The following CC2D1A variants were observed in gnomAD, a reference collection of about 807,000 sequenced individuals.
CC2D1A encodes coiled-coil and C2 domain-containing protein 1A.
CC2D1A carries 68 observed loss-of-function variants against 123.8 expected under a neutral mutation model. That is an observed-to-expected ratio of 0.55 (90% CI 0.45 to 0.67). The LOEUF is 0.67. Ranked by LOEUF, CC2D1A falls within the 30% of genes least tolerant of loss-of-function variation. The pLI is 0.00. For missense variants in CC2D1A, 1,185 were observed against 1,290.3 expected (o/e 0.92, Z 1.25); for synonymous variants, 477 against 528.0 (o/e 0.90, Z 1.32).
At chr19:13,913,693 G>C in intron 6 of CC2D1A, 55 bp downstream of exon 6, 1 of 1,366,558 alleles carries the variant, frequency 7.3e-7, no homozygotes. Context: ...CATCTGGCAG[G>C]ATGCTGCTCT....
At chr19:13,920,154 G>T in intron 12 of CC2D1A, 1 of 542,442 alleles carries the variant, frequency 1.8e-6, no homozygotes, top group African/African-American at 1.9e-5. Flanking sequence ...GGGAGACTGA[G>T]GTGGGAGGAT....
chr19:13,913,369 G>A (rs1462897164), intron 5 of CC2D1A, 35 bp from the exon 6 acceptor site: 5 of 1,609,082 alleles, frequency 3.1e-6, no homozygotes, highest in Admixed American at 1.7e-5. Flanking sequence ...CAAGCTCTTG[G>A]CTTCTCCCAA....
At chr19:13,910,282 C>T (rs1379491067) in intron 2 of CC2D1A, among the ~76,000 whole-genome samples, 1 of 151,292 alleles carries the variant, frequency 6.6e-6, no homozygotes, top group Non-Finnish European at 1.5e-5. Flanking sequence ...GTGGCGGGCG[C>T]CTGTAGTCCC....
chr19:13,925,933 A>ATAT lies in CC2D1A; in HGVS notation c.1941-584_1941-583insTAT, dbSNP rs1555735762. On this transcript the variant is annotated intron_variant, in intron 17 of 28. Transcript: ENST00000318003. ...AGACTCTGTCTAAAAAAAAAAAAAA[A>ATAT]ATATATATATATATATATATATATA... Among the ~76,000 whole-genome samples, 447 of 90,972 alleles carry ATAT rather than the reference A, an allele frequency of 4.9e-3. 15 individuals are homozygous for ATAT. The highest frequency in any genetic ancestry group is 0.019 in the African/African-American group (275 of 14,600). The allele number at this position is 90,972 out of a possible 152,430, so 59.7% of individuals were successfully genotyped here.
At chr19:13,929,715 G>C (rs565864709) in intron 26 of CC2D1A, 55 bp downstream of exon 26, 39 of 1,214,412 alleles carry the variant, frequency 3.2e-5, no homozygotes, top group South Asian at 1.6e-4. Context: ...ATAGGCATGG[G>C]GGGGGAGGTG....
At chr19:13,925,910 ACT>A (rs1201930625) in intron 17 of CC2D1A, among the ~76,000 whole-genome samples, 1 of 101,074 alleles carries the variant, frequency 9.9e-6, no homozygotes, top group Non-Finnish European at 2.1e-5. Context: ...ACAGAGCAAG[ACT>A]CTGTCTAAAA....
At chr19:13,920,108 A>G (rs895835982) in intron 12 of CC2D1A, 157 bp downstream of exon 12, 1 of 678,088 alleles carries the variant, frequency 1.5e-6, no homozygotes. Context: ...AAAATTAGCC[A>G]GGCATGGTGG....
In CC2D1A at chr19:13,923,411, C is replaced by G. The variant is rs527913042; in HGVS notation, c.1720C>G (p.Arg574Gly). The change falls in exon 15 of 29, where the codon CGG becomes GGG. Residue 574 changes from arginine (R) to glycine (G), a missense_variant. By Grantham distance (125) the Arg-to-Gly change is moderately radical. Transcript: ENST00000318003. The surrounding 1 kb of genome is among the most constrained non-coding windows in gnomAD (Gnocchi z 5.3). Reference sequence around the variant, plus strand: ...CCCGGGTCTGTCTCAGGAGGCCGCCCGGCGCTATGGTGAACTCACCAAGCT... The same window carrying G: ...CCCGGGTCTGTCTCAGGAGGCCGCCGGGCGCTATGGTGAACTCACCAAGCT... ...PGPGLSQEAA[R>G]RYGELTKLIR... 6.2e-7 allele frequency: 1 copy of G among 1,613,478 alleles called. No individual in the cohort carries two copies. The highest frequency in any genetic ancestry group is 8.5e-7 in the Non-Finnish European group (1 of 1,180,004).
chr19:13,919,169 G>C lies in CC2D1A; in HGVS notation c.1189G>C (p.Ala397Pro), dbSNP rs764712093. The C allele has an allele frequency of 2.5e-6, 4 of 1,612,992 alleles. No individual in the cohort carries two copies. Among genetic ancestry groups the C allele is most frequent in the Middle Eastern group, 1.7e-4 (1 of 6,056 alleles). Residue 397 changes from alanine to proline, a missense_variant, in exon 11 of 29, where the codon GCC becomes CCC. Physicochemically the swap from Ala to Pro is conservative, Grantham distance 27. Transcript: ENST00000318003. ...CATCCGAGCCCACAAGGCTGGCCGA[G>C]CCGTGGATGTCGCTGAATTGCCCGT... ...DAIRAHKAGR[A>P]VDVAELPVPP...
intron 1 of CC2D1A, among the ~76,000 whole-genome samples, chr19:13,908,154 C>T (rs761010118): frequency 6.0e-5 from 9 of 150,764 alleles, no homozygotes; most frequent in Non-Finnish European, 1.0e-4. Flanking sequence ...TACAGGCATG[C>T]GCCACCATGC....
intron 1 of CC2D1A, among the ~76,000 whole-genome samples, chr19:13,908,239 A>G (rs1238029792): frequency 1.3e-5 from 2 of 152,044 alleles, no homozygotes; most frequent in African/African-American, 4.8e-5. Context: ...CGAACTCCCC[A>G]TCTCAGGTGA....
intron 6 of CC2D1A, among the ~76,000 whole-genome samples, chr19:13,916,599 C>T (rs183924071): frequency 1.3e-5 from 2 of 152,144 alleles, no homozygotes; most frequent in East Asian, 1.9e-4. Context: ...GATGTATTTA[C>T]GTTTTGCTCA....
intron 1 of CC2D1A, chr19:13,909,538 C>T: frequency 4.4e-6 from 2 of 450,522 alleles, no homozygotes; most frequent in South Asian, 1.9e-5. Context: ...CAGCCAGGGG[C>T]CTGCTTTTCC....
intron 2 of CC2D1A, among the ~76,000 whole-genome samples, chr19:13,911,706 ATTTTT>A (rs1055273535): frequency 2.3e-5 from 2 of 88,546 alleles, no homozygotes; most frequent in African/African-American, 1.2e-4. Context: ...TGCCCAGCTA[ATTTTT>A]TTTTTTTTTT....
intron 17 of CC2D1A, among the ~76,000 whole-genome samples, chr19:13,926,065 T>TAC (rs111396032): frequency 0.029 from 3,700 of 128,022 alleles, 93 homozygotes; most frequent in Non-Finnish European, 0.036. Flanking sequence ...TATGTATATA[T>TAC]ACACACACAC....
In CC2D1A at chr19:13,923,012, G is replaced by C. The variant is rs537812395; in HGVS notation, c.1642-321G>C. 5.3e-5 allele frequency among the ~76,000 whole-genome samples: 8 copies of C among 152,260 alleles called. No individual in the cohort carries two copies. The highest frequency in any genetic ancestry group is 1.7e-4 in the African/African-American group (7 of 41,552). On this transcript the variant is annotated intron_variant, in intron 14 of 28. Transcript: ENST00000318003. The surrounding 1 kb of genome is among the most constrained non-coding windows in gnomAD (Gnocchi z 5.3). ...GTTCGAGACCAGTCTGGCCAACATG[G>C]TGAAACCCTGTCTCTACTAAAAATA... is the stretch of plus-strand genomic sequence containing the variant.
At chr19:13,911,730 T>C (rs1161653358) in intron 2 of CC2D1A, among the ~76,000 whole-genome samples, 64 of 146,432 alleles carry the variant, frequency 4.4e-4, no homozygotes, top group African/African-American at 1.6e-3. Flanking sequence ...TTTTTTTTTT[T>C]TTTGAGACGG....
intron 24 of CC2D1A, 59 bp downstream of exon 24, chr19:13,928,247 C>T: frequency 6.8e-7 from 1 of 1,467,168 alleles, no homozygotes; most frequent in Non-Finnish European, 9.4e-7. Flanking sequence ...TCAGCCCCAC[C>T]TGGACAGTTT....
chr19:13,918,311 C>T (rs1971277853), intron 7 of CC2D1A, 117 bp downstream of exon 7: 2 of 1,305,334 alleles, frequency 1.5e-6, no homozygotes, highest in South Asian at 1.5e-5. Context: ...CAATAGTTTG[C>T]TGTAAGTCTT....
Sources: allele counts gnomAD v4.1 joint callset (sites outside exome capture counted in the v4.1 genomes callset), GRCh38; gene constraint gnomAD v4.1.1; non-coding constraint Gnocchi (gnomAD v3.1); transcripts MANE v1.5; gene names NCBI Gene and HGNC (gene_info 2026-07-23, HGNC 2026-07-21).